GNB1L: variants seen among roughly 807,000 people sequenced by gnomAD.
GNB1L encodes the protein G protein subunit beta 1 like.
In GNB1L, 20 loss-of-function variants were observed where a neutral mutation model predicts 29.1. That is an observed-to-expected ratio of 0.69 (90% CI 0.48 to 1.00). The LOEUF (loss-of-function observed/expected upper bound fraction) is 1.00. Among genes scored for constraint, GNB1L ranks in the 50% least tolerant of loss-of-function variants. The pLI, the probability that GNB1L is intolerant of heterozygous loss-of-function variation, is 0.00. For missense variants in GNB1L, 421 were observed against 464.9 expected (o/e 0.91, Z 0.87); for synonymous variants, 193 against 206.5 (o/e 0.93, Z 0.56).
At chr22:19,837,883 T>G (rs975606446) in intron 2 of GNB1L, among the ~76,000 whole-genome samples, 4 of 152,228 alleles carry the variant, frequency 2.6e-5, no homozygotes, top group African/African-American at 7.2e-5. Context: ...ATTCTGTGAT[T>G]CTATTTATGC....
At chr22:19,792,330 G>A (rs2145860387) in intron 7 of GNB1L, 2 of 963,516 alleles carry the variant, frequency 2.1e-6, no homozygotes, top group South Asian at 2.7e-5. Flanking sequence ...AAAGAAGGTG[G>A]CTCTGGCCCC....
chr22:19,812,592 G>A (rs1937510537), intron 4 of GNB1L, 145 bp from the exon 5 acceptor site: 11 of 759,560 alleles, frequency 1.4e-5, no homozygotes, highest in Non-Finnish European at 2.1e-5. Context: ...AGCCTCAGCT[G>A]AGGAAGGGCC....
Position 19,820,776 on chromosome 22 carries a change from G to A in GNB1L, c.129-53C>T. 5 of 1,569,132 alleles carry A rather than the reference G, an allele frequency of 3.2e-6. No individual in the cohort carries two copies. In the South Asian group the frequency reaches 5.7e-5, roughly 18 times the overall value. On this transcript the variant is annotated intron_variant, in intron 3 of 7. Coordinates refer to ENST00000329517, the MANE Select transcript of GNB1L (RefSeq NM_053004.3). Reference sequence around the variant, plus strand: ...CAGGGGGCAGAAGGGTGTGCTGAATGCTCTGGGGCCAGCCTGGAGGCCACA... The same window carrying A: ...CAGGGGGCAGAAGGGTGTGCTGAATACTCTGGGGCCAGCCTGGAGGCCACA...
At chr22:19,838,840 C>G (rs1455927103) in intron 2 of GNB1L, among the ~76,000 whole-genome samples, 1 of 152,182 alleles carries the variant, frequency 6.6e-6, no homozygotes. Context: ...GAAGTGAAAA[C>G]TTATATGCAA....
chr22:19,796,709 A>C (rs1937310217), intron 7 of GNB1L, among the ~76,000 whole-genome samples: 1 of 152,144 alleles, frequency 6.6e-6, no homozygotes, highest in Non-Finnish European at 1.5e-5. Context: ...GTCTTCTTGC[A>C]CCAGGGAGCC....
rs568602470 is a variant in GNB1L, at chr22:19,840,865, C to G, written c.-21+13578G>C. Among the ~76,000 whole-genome samples, 4 of 152,228 alleles carry G rather than the reference C, an allele frequency of 2.6e-5. No homozygotes were observed. In the South Asian group the frequency reaches 8.3e-4, roughly 32 times the overall value. ...AATCCATCCAGGAATGGCATTCAACCTTTGTGCTTTTCTTCCCAAAACCCT... is the reference window on the plus strand; with the variant it reads ...AATCCATCCAGGAATGGCATTCAACGTTTGTGCTTTTCTTCCCAAAACCCT... On this transcript the variant is annotated intron_variant, in intron 2 of 7. Coordinates refer to ENST00000329517, the MANE Select transcript of GNB1L (RefSeq NM_053004.3).
intron 1 of GNB1L, 47 bp downstream of exon 1, chr22:19,854,773 T>C (rs1938198031): frequency 6.6e-6 from 1 of 152,270 alleles, no homozygotes; most frequent in Admixed American, 6.5e-5. Flanking sequence ...CAGGCCCGCG[T>C]GCACGGAGTT....
chr22:19,794,011 T>C (rs1937279607), intron 7 of GNB1L, among the ~76,000 whole-genome samples: 1 of 152,218 alleles, frequency 6.6e-6, no homozygotes, highest in African/African-American at 2.4e-5. Flanking sequence ...AAAGGAAAAC[T>C]GGCCAGATGC....
intron 2 of GNB1L, among the ~76,000 whole-genome samples, chr22:19,825,599 G>C (rs972464838): frequency 2.7e-5 from 4 of 147,470 alleles, no homozygotes; most frequent in Non-Finnish European, 4.5e-5. Context: ...TCCAGCCTGG[G>C]GGACAGAGCA....
chr22:19,825,483 G>A (rs901587679), intron 2 of GNB1L, among the ~76,000 whole-genome samples: 1 of 151,654 alleles, frequency 6.6e-6, no homozygotes, highest in African/African-American at 2.4e-5. Context: ...TTAGCCAGGT[G>A]TGGTGGTGTA....
rs1937169352 is a variant in GNB1L, at chr22:19,784,123, A to T, written c.*4586T>A. 1 of 152,252 alleles carries T rather than the reference A, an allele frequency of 6.6e-6. No homozygotes were observed. Among genetic ancestry groups the T allele is most frequent in the Admixed American group, 6.5e-5 (1 of 15,286 alleles). 9.4% of individuals were successfully genotyped at this position (152,252 alleles called of 1,614,324 possible). On this transcript the variant is annotated 3_prime_UTR_variant, in exon 8 of 8. Coordinates refer to ENST00000329517, the MANE Select transcript of GNB1L (RefSeq NM_053004.3). ...TCTTCCACGCTGGGATTTCACATGA[A>T]GTTCTAGCTAATTGAGTATAAGCAT...
Position 19,812,288 on chromosome 22 carries a change from G to A in GNB1L, c.414C>T (p.Asp138=), listed in dbSNP as rs749575241. 28 of 1,612,040 alleles carry A rather than the reference G, an allele frequency of 1.7e-5. No homozygotes were observed. Among genetic ancestry groups the A allele is most frequent in the Middle Eastern group, 1.6e-4 (1 of 6,072 alleles). Residue 138 remains aspartate, a synonymous_variant, in exon 5 of 8, where the codon GAC becomes GAT. Coordinates refer to ENST00000329517, the MANE Select transcript of GNB1L (RefSeq NM_053004.3). The part of the protein sequence containing the change: ...WTLAVPGRGS[D]EVQILEMPSK... Reference sequence around the variant, plus strand: ...CCTCAGGCAGGCTGGCTCTCACCTCGTCGCTGCCCCTCCCTGGCACGGCAA... The same window carrying A: ...CCTCAGGCAGGCTGGCTCTCACCTCATCGCTGCCCCTCCCTGGCACGGCAA...
At position 19,849,117 on chromosome 22, in the gene GNB1L, C is replaced by T. The variant is rs1005757392; in HGVS notation, c.-21+5326G>A. ...GGCCAGGACATCCAGGGACTTCTCA[C>T]ATCTGACCAGAATCAAGACTGAAAA... On this transcript the variant is annotated intron_variant, in intron 2 of 7. Transcript: ENST00000329517. The T allele has an allele frequency of 1.3e-5, 13 of 985,300 alleles. No individual in the cohort carries two copies. The Admixed American group carries it at 2.5e-4, about 19-fold the overall frequency. The allele number at this position is 985,300 out of a possible 1,614,324, so 61.0% of individuals were successfully genotyped here.
At chr22:19,847,826 T>C (rs1293687148) in intron 2 of GNB1L, 1 of 472,980 alleles carries the variant, frequency 2.1e-6, no homozygotes, top group African/African-American at 4.9e-5. Flanking sequence ...AAAAAAAAAA[T>C]TCACCCATAT....
chr22:19,852,220 G>A, intron 2 of GNB1L: 1 of 1,612,896 alleles, frequency 6.2e-7, no homozygotes, highest in Non-Finnish European at 8.5e-7. Flanking sequence ...CTGCCCAGAT[G>A]GGAATGCGAG....
At position 19,847,722 on chromosome 22, in the gene GNB1L, C is replaced by T. The variant is rs1196296354; in HGVS notation, c.-21+6721G>A. ...GTCAAATTATATTATTGTGTATTCC[C>T]ACCAACAGTATGAGAAGGTCCACTT... On this transcript the variant is annotated intron_variant, in intron 2 of 7. Transcript: ENST00000329517. 4 of 981,154 alleles carry T rather than the reference C, an allele frequency of 4.1e-6. No individual in the cohort carries two copies. In the East Asian group the frequency reaches 3.4e-4, roughly 84 times the overall value. 60.8% of individuals were successfully genotyped at this position (981,154 alleles called of 1,614,324 possible).
chr22:19,788,627 C>T lies in GNB1L; in HGVS notation c.*82G>A, dbSNP rs112713709. ...CATGACTTGCTGGTCCTCAGAGGCC[C>T]TTGAGGTTTCAGGCCAAGGCTGGGG... is the stretch of plus-strand genomic sequence containing the variant. On this transcript the variant is annotated 3_prime_UTR_variant, in exon 8 of 8. Coordinates refer to ENST00000329517, the MANE Select transcript of GNB1L (RefSeq NM_053004.3). 2.0e-5 allele frequency: 31 copies of T among 1,549,642 alleles called. 1 individual carries two copies. In the African/African-American group the frequency reaches 2.7e-4, roughly 14 times the overall value.
chr22:19,798,259 T>G (rs1319116020), intron 7 of GNB1L, among the ~76,000 whole-genome samples: 10 of 152,134 alleles, frequency 6.6e-5, no homozygotes, highest in Non-Finnish European at 1.5e-4. Context: ...CGCCTGTGCT[T>G]GCAGACCCAG....
At chr22:19,847,604 A>C in intron 2 of GNB1L, 2 of 980,168 alleles carry the variant, frequency 2.0e-6, no homozygotes, top group South Asian at 4.7e-5. Context: ...CTAAACCCCC[A>C]TGTAGTGGTA....
Sources: gnomAD v4.1 joint callset for allele counts (sites outside exome capture counted in the v4.1 genomes callset) on GRCh38, gnomAD v4.1.1 for gene constraint, MANE v1.5 for transcripts, NCBI Gene and HGNC (gene_info 2026-07-23, HGNC 2026-07-21) for gene names.